Variants in RPS23 observed in about 807,000 individuals in gnomAD.
The protein encoded by RPS23 is ribosomal protein S23, also known as small ribosomal subunit protein uS12.
For synonymous variants in RPS23, 66 were observed against 60.4 expected (o/e 1.09, Z -0.43); for missense variants, 73 against 174.5 (o/e 0.42, Z 3.28).
In RPS23 at chr5:82,275,828, G is replaced by A; in HGVS notation, c.*281C>T. The A allele has an allele frequency of 2.5e-6, 1 of 398,414 alleles. No individual in the cohort carries two copies. Among genetic ancestry groups the A allele is most frequent in the African/African-American group, 2.0e-5 (1 of 48,956 alleles). 24.7% of individuals were successfully genotyped at this position (398,414 alleles called of 1,614,324 possible). A position where few individuals can be genotyped will look rare whatever the true frequency, so the allele number is the denominator to read the frequency against. On this transcript the variant is annotated 3_prime_UTR_variant, in exon 4 of 4. Transcript: ENST00000296674. The stretch of plus-strand genomic sequence containing the variant: ...GTTCTTAAAGTAATACTACAATACT[G>A]CACATTTATTCCAGATCTATCCCAT...
At chr5:82,277,667 A>C (rs753041281) in intron 2 of RPS23, 26 bp downstream of exon 2, 1 of 1,611,012 alleles carries the variant, frequency 6.2e-7, no homozygotes, top group Non-Finnish European at 8.5e-7. Context: ...TAATAAACTA[A>C]AACTTGACGG....
In RPS23 at chr5:82,275,183, C is replaced by T. The variant is rs1185163059; in HGVS notation, c.*926G>A. On this transcript the variant is annotated 3_prime_UTR_variant, in exon 4 of 4. Transcript: ENST00000296674. ...AAACAATGTAAAGCTAGGCTTTGATCAAAGGGCTAATTAACCCATACTTAC... is the reference window on the plus strand; with the variant it reads ...AAACAATGTAAAGCTAGGCTTTGATTAAAGGGCTAATTAACCCATACTTAC... The T allele has an allele frequency of 1.4e-6, 1 of 701,528 alleles. No individual in the cohort carries two copies. 43.5% of individuals were successfully genotyped at this position (701,528 alleles called of 1,614,324 possible). A position where few individuals can be genotyped will look rare whatever the true frequency, so the allele number is the denominator to read the frequency against.
rs1747707461 is a variant in RPS23, at chr5:82,273,590, T to C, written c.*2519A>G. Reference sequence around the variant, plus strand: ...AGGTTCTAAGTCGTAAGTTGATTTTTAACTACTAGGTTTAGGCCAGGCAGG... The same window carrying C: ...AGGTTCTAAGTCGTAAGTTGATTTTCAACTACTAGGTTTAGGCCAGGCAGG... On this transcript the variant is annotated 3_prime_UTR_variant, in exon 4 of 4. Transcript: ENST00000296674. 1 of 149,002 alleles carries C rather than the reference T, an allele frequency of 6.7e-6. No homozygotes were observed. Among genetic ancestry groups the C allele is most frequent in the African/African-American group, 2.6e-5 (1 of 38,466 alleles). The allele number at this position is 149,002 out of a possible 1,614,324, so 9.2% of individuals were successfully genotyped here. A position where few individuals can be genotyped will look rare whatever the true frequency, so the allele number is the denominator to read the frequency against.
chr5:82,278,016 G>A, intron 1 of RPS23, 164 bp from the exon 2 acceptor site: 1 of 692,010 alleles, frequency 1.4e-6, no homozygotes, highest in Non-Finnish European at 2.4e-6. Flanking sequence ...GCCCTGAACC[G>A]ACTAATAAAC....
chr5:82,273,632 G>A lies in RPS23; in HGVS notation c.*2477C>T, dbSNP rs1747708078. On this transcript the variant is annotated 3_prime_UTR_variant, in exon 4 of 4. Transcript: ENST00000296674. ...CCAGGCAGGCCCAGGGCTGGTTTCA[G>A]GCCTGGTGCCGGGCTGCCTGTCTTT... The A allele has an allele frequency of 7.4e-6, 1 of 135,976 alleles. No homozygotes were observed. Among genetic ancestry groups the A allele is most frequent in the Admixed American group, 6.9e-5 (1 of 14,542 alleles). 8.4% of individuals were successfully genotyped at this position (135,976 alleles called of 1,614,324 possible).
rs1300845395 is a variant in RPS23 at position 82,273,586 on chromosome 5, T to TAA, written c.*2522_*2523insTT. On this transcript the variant is annotated 3_prime_UTR_variant, in exon 4 of 4. Coordinates refer to ENST00000296674, the MANE Select transcript of RPS23 (RefSeq NM_001025.5). ...CATCAGGTTCTAAGTCGTAAGTTGATTTTTAACTACTAGGTTTAGGCCAGG... is the reference window on the plus strand; with the variant it reads ...CATCAGGTTCTAAGTCGTAAGTTGATAATTTTAACTACTAGGTTTAGGCCAGG... The TAA allele has an allele frequency of 6.7e-6, 1 of 149,076 alleles. No homozygotes were observed. The highest frequency in any genetic ancestry group is 1.5e-5 in the Non-Finnish European group (1 of 67,990). The allele number at this position is 149,076 out of a possible 1,614,324, so 9.2% of individuals were successfully genotyped here. A position where few individuals can be genotyped will look rare whatever the true frequency, so the allele number is the denominator to read the frequency against.
Position 82,275,304 on chromosome 5 carries a change from AGT to A in RPS23, c.*803_*804del. 1 of 702,632 alleles carries A rather than the reference AGT, an allele frequency of 1.4e-6. No homozygotes were observed. The highest frequency in any genetic ancestry group is 2.7e-5 in the East Asian group (1 of 37,282). The allele number at this position is 702,632 out of a possible 1,614,324, so 43.5% of individuals were successfully genotyped here. On this transcript the variant is annotated 3_prime_UTR_variant, in exon 4 of 4. Coordinates refer to ENST00000296674, the MANE Select transcript of RPS23 (RefSeq NM_001025.5). ...CTGTATCCATGAAAACTCTGAAACA[AGT>A]ATTTGTGGACAGCAAAATCCACATG...
At chr5:82,277,981 G>T in intron 1 of RPS23, 129 bp from the exon 2 acceptor site, 1 of 860,142 alleles carries the variant, frequency 1.2e-6, no homozygotes. Flanking sequence ...ATTGGCCTGT[G>T]GGCCAAACAT....
Position 82,276,352 on chromosome 5 carries a change from G to A in RPS23, c.285+46C>T, listed in dbSNP as rs904441256. 8 of 1,613,206 alleles carry A rather than the reference G, an allele frequency of 5.0e-6. No homozygotes were observed. The African/African-American group carries it at 9.3e-5, about 19-fold the overall frequency. Reference sequence around the variant, plus strand: ...CCTTGCATCAGATAAAAATGTGAGGGAGGCCACCCCAAGAACAGAAGGTAC... The same window carrying A: ...CCTTGCATCAGATAAAAATGTGAGGAAGGCCACCCCAAGAACAGAAGGTAC... On this transcript the variant is annotated intron_variant, in intron 3 of 3. Transcript: ENST00000296674.
In RPS23 at chr5:82,276,191, C is replaced by T; in HGVS notation, c.350G>A (p.Gly117Glu). 6.2e-7 allele frequency: 1 copy of T among 1,612,514 alleles called. No individual in the cohort carries two copies. The highest frequency in any genetic ancestry group is 8.5e-7 in the Non-Finnish European group (1 of 1,179,562). ...RKGHAVGDIP[G>E]VRFKVVKVAN... ...TACTTTGACAACCTTAAAGCGGACT[C>T]CAGGAATATCACCAACAGCATGACC... The change falls in exon 4 of 4, where the codon GGA becomes GAA. Residue 117 changes from glycine to glutamate, a missense_variant. Physicochemically the swap from Gly to Glu is moderately conservative, Grantham distance 98. Coordinates refer to ENST00000296674, the MANE Select transcript of RPS23 (RefSeq NM_001025.5).
In RPS23 at chr5:82,273,949, T is replaced by C. The variant is rs1168689512; in HGVS notation, c.*2160A>G. On this transcript the variant is annotated 3_prime_UTR_variant, in exon 4 of 4. Coordinates refer to ENST00000296674, the MANE Select transcript of RPS23 (RefSeq NM_001025.5). ...TTTTTTCTTTTACGGCATGTGCTTTTGGTGTAATGTCTAAAAACTATACCT... is the reference window on the plus strand; with the variant it reads ...TTTTTTCTTTTACGGCATGTGCTTTCGGTGTAATGTCTAAAAACTATACCT... The C allele has an allele frequency of 6.6e-6, 1 of 152,232 alleles. No homozygotes were observed. Among genetic ancestry groups the C allele is most frequent in the Non-Finnish European group, 1.5e-5 (1 of 68,032 alleles). 9.4% of individuals were successfully genotyped at this position (152,232 alleles called of 1,614,324 possible).
At chr5:82,277,182 A>C (rs1489597005) in intron 2 of RPS23, among the ~76,000 whole-genome samples, 4 of 22,704 alleles carry the variant, frequency 1.8e-4, no homozygotes, top group Non-Finnish European at 4.0e-4. Context: ...CTGTCTCAAA[A>C]AAAAAAAAAA....
intron 2 of RPS23, 40 bp downstream of exon 2, chr5:82,277,653 C>A: frequency 6.3e-7 from 1 of 1,598,206 alleles, no homozygotes; most frequent in South Asian, 1.1e-5. Flanking sequence ...GTCTCGAATT[C>A]CTATAATAAA....
Position 82,273,727 on chromosome 5 carries a change from G to A in RPS23, c.*2382C>T, listed in dbSNP as rs906236289. ...AAACAATATAAAACAATATGAGAAGGTCTCTCTCTTCCCTCAAGAGTGTAT... is the reference window on the plus strand; with the variant it reads ...AAACAATATAAAACAATATGAGAAGATCTCTCTCTTCCCTCAAGAGTGTAT... On this transcript the variant is annotated 3_prime_UTR_variant, in exon 4 of 4. Transcript: ENST00000296674. 1 of 152,024 alleles carries A rather than the reference G, an allele frequency of 6.6e-6. No homozygotes were observed. 9.4% of individuals were successfully genotyped at this position (152,024 alleles called of 1,614,324 possible).
chr5:82,278,212 G>A, intron 1 of RPS23, 108 bp downstream of exon 1: 1 of 826,298 alleles, frequency 1.2e-6, no homozygotes, highest in Non-Finnish European at 1.9e-6. Context: ...CCTCCCCCAT[G>A]GAGCCTCTCC....
In RPS23 at chr5:82,275,431, GACA is replaced by G. The variant is rs1747752227; in HGVS notation, c.*675_*677del. 1 of 616,902 alleles carries G rather than the reference GACA, an allele frequency of 1.6e-6. No homozygotes were observed. The highest frequency in any genetic ancestry group is 2.3e-5 in the African/African-American group (1 of 43,736). The allele number at this position is 616,902 out of a possible 1,614,324, so 38.2% of individuals were successfully genotyped here. A position where few individuals can be genotyped will look rare whatever the true frequency, so the allele number is the denominator to read the frequency against. ...AGTCTTTGAAGACATGAAGGTCTCT[GACA>G]ACCTCATGAGAAGATACTGAAAACA... On this transcript the variant is annotated 3_prime_UTR_variant, in exon 4 of 4. Transcript: ENST00000296674.
In RPS23 at chr5:82,273,460, G is replaced by A; in HGVS notation, c.*2649C>T. ...TCACATGAAAGGGTCGTGATTGATT[G>A]AGCAATCTAGGGGATATGTGACAGG... On this transcript the variant is annotated 3_prime_UTR_variant, in exon 4 of 4. Coordinates refer to ENST00000296674, the MANE Select transcript of RPS23 (RefSeq NM_001025.5). 1 of 149,390 alleles carries A rather than the reference G, an allele frequency of 6.7e-6. No homozygotes were observed. Among genetic ancestry groups the A allele is most frequent in the African/African-American group, 2.6e-5 (1 of 38,786 alleles). The allele number at this position is 149,390 out of a possible 1,614,324, so 9.3% of individuals were successfully genotyped here.
In RPS23 at chr5:82,275,442, G is replaced by C; in HGVS notation, c.*667C>G. On this transcript the variant is annotated 3_prime_UTR_variant, in exon 4 of 4. Coordinates refer to ENST00000296674, the MANE Select transcript of RPS23 (RefSeq NM_001025.5). ...ACATGAAGGTCTCTGACAACCTCAT[G>C]AGAAGATACTGAAAACATCAGTCTT... 1 of 579,386 alleles carries C rather than the reference G, an allele frequency of 1.7e-6. No individual in the cohort carries two copies. The highest frequency in any genetic ancestry group is 3.1e-5 in the East Asian group (1 of 32,512). The allele number at this position is 579,386 out of a possible 1,614,324, so 35.9% of individuals were successfully genotyped here. A position where few individuals can be genotyped will look rare whatever the true frequency, so the allele number is the denominator to read the frequency against.
Position 82,277,764 on chromosome 5 carries a change from A to T in RPS23, c.93T>A (p.His31Gln). ...GGTTGGCCTTTAGGGCTGTGCCCAA[A>T]TGAGCTTTCTTATACTGTTTATCAT... The part of the protein sequence containing the change: ...KWHDKQYKKA[H>Q]LGTALKANPF... The change falls in exon 2 of 4, where the codon CAT becomes CAA. Residue 31 changes from histidine (H) to glutamine (Q), a missense_variant. His to Gln is a conservative substitution (Grantham distance 24, BLOSUM62 0). Coordinates refer to ENST00000296674, the MANE Select transcript of RPS23 (RefSeq NM_001025.5). 2.5e-6 allele frequency: 4 copies of T among 1,614,018 alleles called. No homozygotes were observed. Among genetic ancestry groups the T allele is most frequent in the Non-Finnish European group, 3.4e-6 (4 of 1,179,862 alleles).
Sources: gnomAD v4.1 joint callset for allele counts (sites outside exome capture counted in the v4.1 genomes callset) on GRCh38, gnomAD v4.1.1 for gene constraint, MANE v1.5 for transcripts, NCBI Gene and HGNC (gene_info 2026-07-23, HGNC 2026-07-21) for gene names.